CUL2: variants seen among roughly 807,000 people sequenced by gnomAD.
The protein encoded by CUL2 is cullin 2.
CUL2 carries 22 observed loss-of-function variants against 110.2 expected under a neutral mutation model. That is an observed-to-expected ratio of 0.20 (90% confidence interval 0.14 to 0.28). CUL2 has a LOEUF of 0.28. Among genes scored for constraint, CUL2 ranks in the 10% least tolerant of loss-of-function variants. The pLI is 1.00. For synonymous variants in CUL2, 279 were observed against 293.2 expected (o/e 0.95, Z 0.49); for missense variants, 631 against 905.5 (o/e 0.70, Z 3.89).
intron 1 of CUL2, among the ~76,000 whole-genome samples, chr10:35,071,689 T>C (rs926702578): frequency 6.6e-6 from 1 of 152,226 alleles, no homozygotes; most frequent in African/African-American, 2.4e-5. Flanking sequence ...ATTACAGGCA[T>C]GAACCATCAC....
chr10:35,030,210 C>T (rs1484288391), intron 14 of CUL2, among the ~76,000 whole-genome samples: 3 of 152,282 alleles, frequency 2.0e-5, no homozygotes, highest in East Asian at 3.9e-4. Flanking sequence ...ACTGGGAATA[C>T]TCCAGCCTGT....
intron 1 of CUL2, among the ~76,000 whole-genome samples, chr10:35,111,243 C>A (rs894857982): frequency 1.6e-4 from 25 of 151,844 alleles, no homozygotes; most frequent in Non-Finnish European, 3.5e-4. Flanking sequence ...AATCACTCTT[C>A]TCTTATGAGA....
chr10:35,089,299 G>T (rs914682234), intron 1 of CUL2, among the ~76,000 whole-genome samples: 3 of 152,216 alleles, frequency 2.0e-5, no homozygotes, highest in Non-Finnish European at 2.9e-5. Flanking sequence ...TCTTGAAAAG[G>T]AATGTAAGAT....
At chr10:35,103,615 G>A (rs953611739) in intron 1 of CUL2, among the ~76,000 whole-genome samples, 4 of 151,824 alleles carry the variant, frequency 2.6e-5, no homozygotes, top group Admixed American at 6.6e-5. Flanking sequence ...GAGCCACCGC[G>A]CCCGGCCTAA....
intron 1 of CUL2, among the ~76,000 whole-genome samples, chr10:35,073,399 C>T (rs2086732152): frequency 6.6e-6 from 1 of 152,070 alleles, no homozygotes; most frequent in Non-Finnish European, 1.5e-5. Flanking sequence ...TTTCCTGAAT[C>T]CATCCATACT....
At chr10:35,104,710 A>C (rs1047370298) in intron 1 of CUL2, among the ~76,000 whole-genome samples, 2 of 152,068 alleles carry the variant, frequency 1.3e-5, no homozygotes, top group African/African-American at 4.8e-5. Context: ...TAACATGAAC[A>C]GTCCTACTAA....
At chr10:35,062,628 T>C (rs2134931981) in intron 3 of CUL2, among the ~76,000 whole-genome samples, 1 of 151,754 alleles carries the variant, frequency 6.6e-6, no homozygotes, top group African/African-American at 2.4e-5. Context: ...GCCCAGGAGT[T>C]TGAGACCAGC....
chr10:35,076,617 T>C (rs1180612374), intron 1 of CUL2, among the ~76,000 whole-genome samples: 4 of 152,212 alleles, frequency 2.6e-5, no homozygotes, highest in African/African-American at 9.7e-5. Context: ...CAATAAATGT[T>C]ATATGTTCCT....
chr10:35,115,336 C>T (rs891838992), intron 1 of CUL2, among the ~76,000 whole-genome samples: 2 of 148,786 alleles, frequency 1.3e-5, no homozygotes, highest in East Asian at 2.0e-4. Context: ...CGGAGGCGGG[C>T]GGATAGCGAG....
At chr10:35,074,389 T>TAC (rs1472999488) in intron 1 of CUL2, 1 of 641,384 alleles carries the variant, frequency 1.6e-6, no homozygotes, top group Non-Finnish European at 2.8e-6. Flanking sequence ...GCCTGATTCA[T>TAC]ACACTTGCCT....
intron 1 of CUL2, among the ~76,000 whole-genome samples, chr10:35,086,106 C>A (rs925859452): frequency 4.0e-5 from 6 of 151,746 alleles, no homozygotes; most frequent in African/African-American, 1.5e-4. Flanking sequence ...TGGTGGAGGG[C>A]GCCTGTAGTC....
At chr10:35,065,694 T>C (rs1312542372) in intron 2 of CUL2, among the ~76,000 whole-genome samples, 1 of 151,288 alleles carries the variant, frequency 6.6e-6, no homozygotes, top group Non-Finnish European at 1.5e-5. Flanking sequence ...ACCCTATCTC[T>C]ACTAAAAATA....
At chr10:35,065,951 C>T (rs1464825155) in intron 2 of CUL2, among the ~76,000 whole-genome samples, 1 of 152,128 alleles carries the variant, frequency 6.6e-6, no homozygotes, top group African/African-American at 2.4e-5. Context: ...TTTTAGGGAG[C>T]CAGAATACAA....
chr10:35,043,932 G>C (rs1391786107), intron 8 of CUL2, among the ~76,000 whole-genome samples: 1 of 151,492 alleles, frequency 6.6e-6, no homozygotes, highest in Non-Finnish European at 1.5e-5. Flanking sequence ...GCTGGGCGTG[G>C]TGGTGTGTGC....
intron 8 of CUL2, among the ~76,000 whole-genome samples, chr10:35,040,330 A>C (rs1409263495): frequency 6.6e-6 from 1 of 152,236 alleles, no homozygotes; most frequent in Non-Finnish European, 1.5e-5. Context: ...AAAGAATTTG[A>C]CTAATTTCTG....
intron 8 of CUL2, among the ~76,000 whole-genome samples, chr10:35,041,543 T>G (rs1271285628): frequency 7.3e-6 from 1 of 136,592 alleles, no homozygotes; most frequent in Non-Finnish European, 1.7e-5. Context: ...GCTTTTCTTT[T>G]TCTTTCTTTT....
intron 1 of CUL2, among the ~76,000 whole-genome samples, chr10:35,073,362 T>C (rs2086730690): frequency 6.6e-6 from 1 of 152,196 alleles, no homozygotes; most frequent in African/African-American, 2.4e-5. Context: ...GTTTACTACA[T>C]CCTATCATCA....
intron 2 of CUL2, among the ~76,000 whole-genome samples, chr10:35,066,590 C>A (rs570129865): frequency 6.6e-6 from 1 of 152,208 alleles, no homozygotes; most frequent in Non-Finnish European, 1.5e-5. Flanking sequence ...TGAGCCACTG[C>A]GCCCCGCCAG....
Position 35,017,048 on chromosome 10 carries a change from G to C in CUL2, c.1685-654C>G, listed in dbSNP as rs151278001. Among the ~76,000 whole-genome samples the C allele has an allele frequency of 2.6e-5, 4 of 151,864 alleles. No homozygotes were observed. In the East Asian group the frequency reaches 7.7e-4, roughly 29 times the overall value. On this transcript the variant is annotated intron_variant, in intron 17 of 20. Transcript: ENST00000374749. ...AAAGGAGGTGGGAGAAGGAGAAATG[G>C]ACAGACAAAGGGCAAAGTGATATCA...
Sources: gnomAD v4.1 joint callset for allele counts (sites outside exome capture counted in the v4.1 genomes callset) on GRCh38, gnomAD v4.1.1 for gene constraint, MANE v1.5 for transcripts, NCBI Gene and HGNC (gene_info 2026-07-23, HGNC 2026-07-21) for gene names.